WDFY4: variants seen among roughly 807,000 people sequenced by gnomAD.
The protein encoded by WDFY4 is WD repeat- and FYVE domain-containing protein 4.
In WDFY4, 169 loss-of-function variants were observed where a neutral mutation model predicts 351.9. That is an observed-to-expected ratio of 0.48 (90% CI 0.42 to 0.55). WDFY4 has a LOEUF of 0.55. Among genes scored for constraint, WDFY4 ranks in the 20% least tolerant of loss-of-function variants. WDFY4 has a pLI of 0.00. For synonymous variants in WDFY4, 1,622 were observed against 1,574.6 expected (o/e 1.03, Z -0.71); for missense variants, 3,803 against 3,935.6 (o/e 0.97, Z 0.90).
chr10:48,834,271 GA>G (rs574516702), intron 39 of WDFY4, among the ~76,000 whole-genome samples: 9,300 of 148,376 alleles, frequency 0.063, 612 homozygotes, highest in African/African-American at 0.17. Context: ...AGCTGAATCT[GA>G]AAAAAAAAAA....
At chr10:48,974,520 A>AAAAAAAAAAACAAC (rs1564543128) in intron 57 of WDFY4, among the ~76,000 whole-genome samples, 3 of 8,048 alleles carry the variant, frequency 3.7e-4, no homozygotes, top group Non-Finnish European at 5.5e-3. Context: ...AAAAAAAAAA[A>AAAAAAAAAAACAAC]AAAAAAAAAC....
At chr10:48,854,901 A>T (rs915651441) in intron 39 of WDFY4, among the ~76,000 whole-genome samples, 3 of 152,250 alleles carry the variant, frequency 2.0e-5, no homozygotes. Flanking sequence ...ATATCTCCAA[A>T]GTACCATAAT....
At chr10:48,750,681 A>G (rs938629113) in intron 12 of WDFY4, among the ~76,000 whole-genome samples, 5 of 152,256 alleles carry the variant, frequency 3.3e-5, no homozygotes, top group Non-Finnish European at 5.9e-5. Flanking sequence ...GTGTTTGCAC[A>G]CTTGAGCATA....
intron 49 of WDFY4, 69 bp downstream of exon 49, chr10:48,943,518 C>A: frequency 2.0e-6 from 3 of 1,490,622 alleles, no homozygotes; most frequent in South Asian, 1.3e-5. Context: ...GACCCTAAGT[C>A]AGCATGCAGA....
chr10:48,752,165 A>G (rs1345302798), intron 12 of WDFY4, among the ~76,000 whole-genome samples: 2 of 152,188 alleles, frequency 1.3e-5, no homozygotes, highest in Non-Finnish European at 2.9e-5. Flanking sequence ...ACCTTACAGC[A>G]ATGCTTCTCA....
intron 39 of WDFY4, among the ~76,000 whole-genome samples, chr10:48,864,350 T>G (rs1345351234): frequency 6.6e-6 from 1 of 152,230 alleles, no homozygotes; most frequent in African/African-American, 2.4e-5. Flanking sequence ...TCGTTCCCCA[T>G]TGTATAGTTT....
At chr10:48,768,723 A>AAGACAGAGAG (rs2065759990) in intron 13 of WDFY4, among the ~76,000 whole-genome samples, 1 of 141,070 alleles carries the variant, frequency 7.1e-6, no homozygotes, top group East Asian at 2.3e-4. Flanking sequence ...GGGAGAGGAG[A>AAGACAGAGAG]AGAGAGAGAG....
At chr10:48,828,931 G>A (rs1292092944) in intron 37 of WDFY4, 35 bp downstream of exon 37, 2 of 299,026 alleles carry the variant, frequency 6.7e-6, no homozygotes, top group Non-Finnish European at 1.3e-5. Flanking sequence ...TGTGGGCGGG[G>A]GGGGGGCGGG....
At chr10:48,715,973 T>G (rs1352910644) in intron 2 of WDFY4, among the ~76,000 whole-genome samples, 4 of 152,110 alleles carry the variant, frequency 2.6e-5, no homozygotes, top group Non-Finnish European at 4.4e-5. Context: ...TTAGATGTGG[T>G]GTCCTGAGGG....
chr10:48,858,664 T>G (rs1334263781), intron 39 of WDFY4, among the ~76,000 whole-genome samples: 1 of 152,202 alleles, frequency 6.6e-6, no homozygotes, highest in Non-Finnish European at 1.5e-5. Context: ...TACTCTTAGT[T>G]TTCAAAGTTG....
intron 36 of WDFY4, among the ~76,000 whole-genome samples, chr10:48,827,413 G>A (rs149451795): frequency 6.6e-6 from 1 of 150,976 alleles, no homozygotes; most frequent in Admixed American, 6.6e-5. Context: ...GCTTATTTGA[G>A]TCCTTTTCTT....
At chr10:48,692,367 C>A (rs1407921589) in intron 1 of WDFY4, among the ~76,000 whole-genome samples, 1 of 152,220 alleles carries the variant, frequency 6.6e-6, no homozygotes, top group African/African-American at 2.4e-5. Flanking sequence ...TGAGTCTACA[C>A]CTCTGCCAGT....
At chr10:48,754,124 T>C (rs1432843921) in intron 12 of WDFY4, among the ~76,000 whole-genome samples, 1 of 152,192 alleles carries the variant, frequency 6.6e-6, no homozygotes, top group Admixed American at 6.5e-5. Context: ...TACTTGGTCA[T>C]GACATATAAT....
At position 48,776,902 on chromosome 10, in the gene WDFY4, A is replaced by G. The variant is rs1369180675; in HGVS notation, c.3016A>G (p.Thr1006Ala). 6.4e-7 allele frequency: 1 copy of G among 1,551,392 alleles called. No individual in the cohort carries two copies. The highest frequency in any genetic ancestry group is 1.2e-5 in the South Asian group (1 of 84,006). The change falls in exon 16 of 62, where the codon ACC becomes GCC. Residue 1006 changes from threonine (T) to alanine (A), a missense_variant. Coordinates refer to ENST00000325239, the MANE Select transcript of WDFY4 (RefSeq NM_001394531.1). The part of the protein sequence containing the change: ...LQTALSLISM[T>A]SPRNLQPQRA... ...GACGGCGCTGAGCCTCATCTCCATG[A>G]CCTCCCCACGCAACCTGCAGCCTCA...
intron 3 of WDFY4, 41 bp from the exon 4 acceptor site, chr10:48,721,220 G>A: frequency 1.3e-6 from 2 of 1,520,892 alleles, no homozygotes; most frequent in Non-Finnish European, 1.8e-6. Flanking sequence ...AAGCTGAGTG[G>A]GCAGGTCGCT....
At position 48,778,838 on chromosome 10, in the gene WDFY4, G is replaced by A; in HGVS notation, c.3397+6G>A. ...GAAGGAGTTTCAGCCTCTGGGTAAG[G>A]TGCTGGGATCCAAAGCCAGTTTCAT... is the stretch of plus-strand genomic sequence containing the variant. On this transcript the variant is annotated splice_donor_region_variant and intron_variant, in intron 18 of 61. Coordinates refer to ENST00000325239, the MANE Select transcript of WDFY4 (RefSeq NM_001394531.1). The A allele has an allele frequency of 6.5e-7, 1 of 1,548,932 alleles. No individual in the cohort carries two copies. Among genetic ancestry groups the A allele is most frequent in the Non-Finnish European group, 8.7e-7 (1 of 1,146,968 alleles).
Position 48,963,862 on chromosome 10 carries a change from C to T in WDFY4, c.8244C>T (p.Val2748=), listed in dbSNP as rs1841966733. 1 of 1,551,526 alleles carries T rather than the reference C, an allele frequency of 6.4e-7. No homozygotes were observed. The highest frequency in any genetic ancestry group is 8.7e-7 in the Non-Finnish European group (1 of 1,147,006). Residue 2748 remains valine (V), a synonymous_variant, in exon 54 of 62, where the codon GTC becomes GTT. Coordinates refer to ENST00000325239, the MANE Select transcript of WDFY4 (RefSeq NM_001394531.1). ...TCCAGGCCCTGGAAAGTGACTTTGT[C>T]AGTGCCAACCTCCACCATTGGATAG... ...LHRKALESDF[V]SANLHHWIDL... is the part of the protein sequence containing the mutation.
At position 48,781,868 on chromosome 10, in the gene WDFY4, T is replaced by C. The variant is rs1481617939; in HGVS notation, c.3576+1749T>C. On this transcript the variant is annotated intron_variant, in intron 19 of 61. Transcript: ENST00000325239. Reference sequence around the variant, plus strand: ...AGGTTCTAAGAATTATTTATGCTTATAAGCCAAAGACCTCCAGGAACATAC... The same window carrying C: ...AGGTTCTAAGAATTATTTATGCTTACAAGCCAAAGACCTCCAGGAACATAC... 2.6e-5 allele frequency among the ~76,000 whole-genome samples: 4 copies of C among 152,336 alleles called. No individual in the cohort carries two copies. The East Asian group carries it at 7.7e-4, about 29-fold the overall frequency.
At chr10:48,747,970 C>T (rs1467359576) in intron 12 of WDFY4, among the ~76,000 whole-genome samples, 1 of 152,222 alleles carries the variant, frequency 6.6e-6, no homozygotes, top group South Asian at 2.1e-4. Flanking sequence ...GGGGTCTTAG[C>T]TGCCCTTTCC....
Sources: gnomAD v4.1 joint callset for allele counts (sites outside exome capture counted in the v4.1 genomes callset) on GRCh38, gnomAD v4.1.1 for gene constraint, MANE v1.5 for transcripts, NCBI Gene and HGNC (gene_info 2026-07-23, HGNC 2026-07-21) for gene names.